CDH23: variants seen among roughly 807,000 people sequenced by gnomAD.
The protein encoded by CDH23 is cadherin-23.
A neutral mutation model predicts 317.1 loss-of-function variants in CDH23; 189 were observed. The observed-to-expected ratio is 0.60, with a 90% CI of 0.53 to 0.67. The LOEUF is 0.67. CDH23 is among the 30% of genes least tolerant of loss of function. CDH23 has a pLI of 0.00. For synonymous variants in CDH23, 1,839 were observed against 1,876.8 expected (o/e 0.98, Z 0.52); for missense variants, 4,401 against 4,592.4 (o/e 0.96, Z 1.20).
intron 11 of CDH23, 111 bp downstream of exon 11, chr10:71,617,504 C>T (rs1183879978): frequency 6.6e-7 from 1 of 1,520,290 alleles, no homozygotes; most frequent in Admixed American, 2.0e-5. Flanking sequence ...ATTGCGGCAC[C>T]CCACTCCTGG....
chr10:71,702,237 G>A (rs746707416), intron 23 of CDH23, 26 bp downstream of exon 23: 5 of 1,606,084 alleles, frequency 3.1e-6, no homozygotes, highest in Non-Finnish European at 4.3e-6. Flanking sequence ...GCCCCTCACG[G>A]CCCCCACACC....
At chr10:71,446,451 C>T in intron 3 of CDH23, 56 bp downstream of exon 3, 5 of 1,502,756 alleles carry the variant, frequency 3.3e-6, no homozygotes, top group Non-Finnish European at 4.6e-6. Flanking sequence ...CAATCCCTTC[C>T]CACAAGTGAA....
rs187745021 is a variant in CDH23, at chr10:71,648,821, C to A, written c.1449+2204C>A. 5.2e-4 allele frequency among the ~76,000 whole-genome samples: 79 copies of A among 152,298 alleles called. 1 individual carries two copies. Among genetic ancestry groups the A allele is most frequent in the Middle Eastern group, 3.4e-3 (1 of 294 alleles). On this transcript the variant is annotated intron_variant, in intron 14 of 69. Coordinates refer to ENST00000224721, the MANE Select transcript of CDH23 (RefSeq NM_022124.6). ...CCCTGGGTTCCTGGCTTCCTTCATC[C>A]AAGCCTCACCCACCCCCTTCTCAAG...
At chr10:71,589,323 T>C (rs190981288) in intron 9 of CDH23, among the ~76,000 whole-genome samples, 375 of 152,294 alleles carry the variant, frequency 2.5e-3, no homozygotes, top group Non-Finnish European at 4.0e-3. Context: ...TTTCACCATA[T>C]TGGCCAGGCT....
At chr10:71,782,830 C>CCA (rs1436010306) in intron 41 of CDH23, among the ~76,000 whole-genome samples, 6 of 152,382 alleles carry the variant, frequency 3.9e-5, no homozygotes, top group African/African-American at 1.4e-4. Context: ...TTCCACCCCC[C>CCA]AGGCAGGGTG....
At chr10:71,696,472 C>T (rs182376967) in intron 22 of CDH23, among the ~76,000 whole-genome samples, 317 of 152,332 alleles carry the variant, frequency 2.1e-3, no homozygotes, top group Middle Eastern at 6.8e-3. Flanking sequence ...AAAGGCTTGC[C>T]CAAGGTCCCA....
intron 38 of CDH23, among the ~76,000 whole-genome samples, chr10:71,774,454 A>AC (rs1840770148): frequency 6.6e-6 from 1 of 151,456 alleles, no homozygotes. Context: ...TACTGTCCAC[A>AC]CCCCCTTCAG....
intron 2 of CDH23, among the ~76,000 whole-genome samples, chr10:71,440,928 G>T (rs557082241): frequency 6.6e-6 from 1 of 152,118 alleles, no homozygotes; most frequent in African/African-American, 2.4e-5. Flanking sequence ...CTGCAGCCTC[G>T]TGCTTGTTGG....
chr10:71,717,588 G>A (rs559538613), intron 28 of CDH23: 1 of 152,280 alleles, frequency 6.6e-6, no homozygotes. Flanking sequence ...TAATAAAAAT[G>A]CTCACAGATC....
chr10:71,406,018 ATT>A (rs10659003), intron 1 of CDH23, among the ~76,000 whole-genome samples: 66,192 of 147,550 alleles, frequency 0.45, 15,126 homozygotes, highest in East Asian at 0.54. Context: ...AAAGCAGGTA[ATT>A]TTTTTTTTTT....
rs886222592 is a variant in CDH23, at chr10:71,724,457, C to T, written c.3430+352C>T. Among the ~76,000 whole-genome samples, 3 of 152,330 alleles carry T rather than the reference C, an allele frequency of 2.0e-5. No individual in the cohort carries two copies. Among genetic ancestry groups the T allele is most frequent in the Non-Finnish European group, 2.9e-5 (2 of 68,014 alleles). On this transcript the variant is annotated intron_variant, in intron 29 of 69. Transcript: ENST00000224721. ...AGTCCCCAGTAGCTGGGACTACAGG[C>T]GCATGCCTGTAATTTTTTGTGCTTT... is the stretch of plus-strand genomic sequence containing the variant.
At chr10:71,813,639 G>T (rs1328298602) in intron 69 of CDH23, among the ~76,000 whole-genome samples, 1 of 152,188 alleles carries the variant, frequency 6.6e-6, no homozygotes, top group African/African-American at 2.4e-5. Context: ...GGGTGCGGTG[G>T]TTCACACCTG....
At chr10:71,629,800 G>C (rs1861917264) in intron 11 of CDH23, among the ~76,000 whole-genome samples, 1 of 152,172 alleles carries the variant, frequency 6.6e-6, no homozygotes, top group African/African-American at 2.4e-5. Flanking sequence ...AAGCAGATTA[G>C]TGGTTGCCAA....
At chr10:71,624,244 C>G (rs929417247) in intron 11 of CDH23, among the ~76,000 whole-genome samples, 55 of 152,192 alleles carry the variant, frequency 3.6e-4, no homozygotes, top group African/African-American at 4.8e-5. Flanking sequence ...GGCCTCATCT[C>G]TGTCCCCAAC....
chr10:71,639,700 A>G (rs1293731101), intron 11 of CDH23, among the ~76,000 whole-genome samples: 1 of 152,168 alleles, frequency 6.6e-6, no homozygotes, highest in African/African-American at 2.4e-5. Flanking sequence ...TCTTTGGGCC[A>G]TCGTGTGGAT....
intron 29 of CDH23, among the ~76,000 whole-genome samples, chr10:71,724,707 C>G (rs182701575): frequency 3.9e-5 from 6 of 152,346 alleles, no homozygotes; most frequent in Admixed American, 3.9e-4. Flanking sequence ...CCCCCAGCAG[C>G]ACGCTCCCCA....
At chr10:71,782,411 T>C (rs111384138) in intron 41 of CDH23, among the ~76,000 whole-genome samples, 151 of 152,344 alleles carry the variant, frequency 9.9e-4, no homozygotes, top group African/African-American at 2.9e-3. Context: ...TATTAGCCCA[T>C]TTTTCAGATG....
At position 71,511,659 on chromosome 10, in the gene CDH23, C is replaced by T. The variant is rs545863446; in HGVS notation, c.429+447C>T. On this transcript the variant is annotated intron_variant, in intron 6 of 69. Coordinates refer to ENST00000224721, the MANE Select transcript of CDH23 (RefSeq NM_022124.6). ...TAGGAAGGGGCTTTCCCTAGCCCCGCGCTCTCCACCATGGTCTCCCAGGCC... is the reference window on the plus strand; with the variant it reads ...TAGGAAGGGGCTTTCCCTAGCCCCGTGCTCTCCACCATGGTCTCCCAGGCC... The T allele has an allele frequency of 2.3e-5, 6 of 259,698 alleles. No homozygotes were observed. The East Asian group carries it at 5.2e-4, about 23-fold the overall frequency. 16.1% of individuals were successfully genotyped at this position (259,698 alleles called of 1,614,324 possible).
intron 44 of CDH23, among the ~76,000 whole-genome samples, chr10:71,788,464 CT>C (rs540868938): frequency 6.6e-6 from 1 of 150,482 alleles, no homozygotes; most frequent in Non-Finnish European, 1.5e-5. Flanking sequence ...TTCTTTTTTT[CT>C]TTTTTTTTGA....
Sources: allele counts gnomAD v4.1 joint callset (sites outside exome capture counted in the v4.1 genomes callset), GRCh38; gene constraint gnomAD v4.1.1; transcripts MANE v1.5; gene names NCBI Gene and HGNC (gene_info 2026-07-23, HGNC 2026-07-21).